ABCA9: variants seen among roughly 807,000 people sequenced by gnomAD.
The protein encoded by ABCA9 is ATP binding cassette subfamily A member 9, also known as ATP-binding cassette sub-family A member 9.
ABCA9 carries 183 observed loss-of-function variants against 205.3 expected under a neutral mutation model. The ratio of observed to expected loss-of-function variants is 0.89; its 90% CI spans 0.79 to 1.01. The LOEUF is 1.01. Ranked by LOEUF, ABCA9 falls within the 50% of genes least tolerant of loss-of-function variation. The probability of loss-of-function intolerance (pLI) is 0.00; values close to 1 mark genes in which losing one functional copy is unlikely to be tolerated. For synonymous variants in ABCA9, 651 were observed against 683.3 expected (o/e 0.95, Z 0.74); for missense variants, 1,805 against 1,912.4 (o/e 0.94, Z 1.05).
chr17:69,052,340 A>T (rs1198875090), intron 1 of ABCA9, among the ~76,000 whole-genome samples: 1 of 152,160 alleles, frequency 6.6e-6, no homozygotes, highest in Non-Finnish European at 1.5e-5. Context: ...ATGCTACTGT[A>T]CTACAGCCTG....
chr17:69,013,894 G>A (rs557673057), intron 22 of ABCA9, among the ~76,000 whole-genome samples: 4 of 152,238 alleles, frequency 2.6e-5, no homozygotes, highest in African/African-American at 9.6e-5. Flanking sequence ...CAGGAGCTGG[G>A]TGGGGAAACC....
intron 37 of ABCA9, among the ~76,000 whole-genome samples, chr17:68,976,927 A>G (rs1190553139): frequency 6.6e-6 from 1 of 152,218 alleles, no homozygotes. Flanking sequence ...GAATGGAAAA[A>G]TGAGACTGGA....
chr17:69,063,860 C>A (rs544565475), upstream of ABCA9, among the ~76,000 whole-genome samples: 44 of 152,366 alleles, frequency 2.9e-4, no homozygotes, highest in African/African-American at 1.0e-3. Flanking sequence ...GCGTGAGCCA[C>A]CGCGCCTGGC....
At chr17:69,006,805 T>C (rs1303686604) in intron 25 of ABCA9, among the ~76,000 whole-genome samples, 1 of 152,216 alleles carries the variant, frequency 6.6e-6, no homozygotes, top group African/African-American at 2.4e-5. Context: ...ATGTAGGCTA[T>C]ACTTTTCAAC....
chr17:69,017,541 G>A, intron 21 of ABCA9, 115 bp downstream of exon 21: 4 of 1,157,942 alleles, frequency 3.5e-6, no homozygotes, highest in African/African-American at 1.5e-5. Context: ...ATAAAAATGA[G>A]AACTATCCCA....
chr17:69,051,035 A>G lies in ABCA9; in HGVS notation c.92T>C (p.Leu31Ser). The stretch of plus-strand genomic sequence containing the variant: ...CACATAGACTCTGAAGCATACCAAC[A>G]AGGTCTGTCTTTTCATTCTCCATTT... Reference protein sequence around the residue: ...LKKWRMKRQTLLEWLFSFLLV... With the variant: ...LKKWRMKRQTSLEWLFSFLLV... Residue 31 changes from leucine to serine, a missense_variant, in exon 2 of 39, where the codon TTG becomes TCG. Transcript: ENST00000340001. 1 of 1,613,518 alleles carries G rather than the reference A, an allele frequency of 6.2e-7. No individual in the cohort carries two copies. Among genetic ancestry groups the G allele is most frequent in the Non-Finnish European group, 8.5e-7 (1 of 1,179,702 alleles).
chr17:69,008,377 G>T, intron 23 of ABCA9, 142 bp from the exon 24 acceptor site: 5 of 715,816 alleles, frequency 7.0e-6, no homozygotes, highest in Non-Finnish European at 1.2e-5. Context: ...ACCACCACTC[G>T]CCACACCCTT....
the ABCA9 span, among the ~76,000 whole-genome samples, chr17:69,073,927 C>T: frequency 1.3e-4 from 20 of 152,160 alleles, no homozygotes; most frequent in South Asian, 2.1e-4. Flanking sequence ...GTCTTGAACT[C>T]GTGGTCCCAA....
At chr17:69,014,650 A>G (rs569835631) in intron 22 of ABCA9, among the ~76,000 whole-genome samples, 26 of 152,224 alleles carry the variant, frequency 1.7e-4, no homozygotes, top group African/African-American at 6.0e-4. Context: ...AAACAATGGT[A>G]TGATGTGCTT....
At chr17:69,014,356 T>A (rs1001182920) in intron 22 of ABCA9, among the ~76,000 whole-genome samples, 1 of 152,152 alleles carries the variant, frequency 6.6e-6, no homozygotes, top group Non-Finnish European at 1.5e-5. Context: ...AAGGTGCACA[T>A]GAAACAAACG....
rs887839577 is a variant in ABCA9 at position 68,986,639 on chromosome 17, G to T, written c.4048-315C>A. On this transcript the variant is annotated intron_variant, in intron 31 of 38. Transcript: ENST00000340001. ...CAAACATTCAAAGGAATAGATACTT[G>T]TTGAGAATTCTGTTTCGCCAGTGAT... The T allele has an allele frequency of 2.6e-5, 6 of 228,652 alleles. No homozygotes were observed. The Admixed American group carries it at 3.4e-4, about 13-fold the overall frequency. The allele number at this position is 228,652 out of a possible 1,614,324, so 14.2% of individuals were successfully genotyped here.
rs2068864129 is a variant in ABCA9 at position 68,975,141 on chromosome 17, A to G, written c.*774T>C. The G allele has an allele frequency of 6.6e-6, 1 of 152,136 alleles. No individual in the cohort carries two copies. Among genetic ancestry groups the G allele is most frequent in the Non-Finnish European group, 1.5e-5 (1 of 68,056 alleles). The allele number at this position is 152,136 out of a possible 1,614,324, so 9.4% of individuals were successfully genotyped here. A position where few individuals can be genotyped will look rare whatever the true frequency, so the allele number is the denominator to read the frequency against. On this transcript the variant is annotated 3_prime_UTR_variant, in exon 39 of 39. Coordinates refer to ENST00000340001, the MANE Select transcript of ABCA9 (RefSeq NM_080283.4). ...TTCCTGTGTTAGTTTGCTGAGGATG[A>G]TGGTTTCCAGCTTCATCCATGTCCC...
At chr17:69,033,575 T>C (rs1363016052) in intron 9 of ABCA9, 151 bp downstream of exon 9, 1 of 607,748 alleles carries the variant, frequency 1.6e-6, no homozygotes, top group Admixed American at 3.4e-5. Context: ...TCTTAGAAAG[T>C]GATTCTATAA....
chr17:68,981,486 C>A, intron 37 of ABCA9, among the ~76,000 whole-genome samples: 1 of 152,080 alleles, frequency 6.6e-6, no homozygotes, highest in Non-Finnish European at 1.5e-5. Context: ...AGATGCCAAC[C>A]AGCCATTGGG....
At position 68,986,303 on chromosome 17, in the gene ABCA9, C is replaced by A. The variant is rs774641217; in HGVS notation, c.4069G>T (p.Gly1357Ter). Residue 1357 changes from glycine to a stop codon, truncating the protein, a stop_gained, in exon 32 of 39, where the codon GGA (glycine) becomes TGA (stop). Coordinates refer to ENST00000340001, the MANE Select transcript of ABCA9 (RefSeq NM_080283.4). LOFTEE classifies it high-confidence loss of function. ...CCCAGGAAGCCCAGGGGTTCCCCTC[C>A]ACCGCTCCCTTTCAAAATCACCTAT... is the stretch of plus-strand genomic sequence containing the variant. ...AGQVILKGSG[G>*]GEPLGFLGYC... is the part of the protein sequence containing the mutation. The A allele has an allele frequency of 3.7e-6, 6 of 1,608,364 alleles. No homozygotes were observed. In the South Asian group the frequency reaches 5.6e-5, roughly 15 times the overall value.
intron 1 of ABCA9, chr17:69,051,431 A>G (rs1345561197): frequency 3.1e-6 from 1 of 327,232 alleles, no homozygotes; most frequent in East Asian, 5.5e-5. Flanking sequence ...GTGTTGTTAA[A>G]TTGTCTAATG....
chr17:69,026,237 A>C (rs1487707197), intron 16 of ABCA9, 140 bp downstream of exon 16: 1 of 641,364 alleles, frequency 1.6e-6, no homozygotes, highest in Non-Finnish European at 2.7e-6. Context: ...CTAAAAAAGC[A>C]ATTATGCCTT....
At chr17:69,000,212 C>G (rs943513441) in intron 25 of ABCA9, among the ~76,000 whole-genome samples, 13 of 152,002 alleles carry the variant, frequency 8.6e-5, no homozygotes, top group African/African-American at 2.9e-4. Context: ...ATGCCTATGT[C>G]CTGAATGGTA....
intron 37 of ABCA9, among the ~76,000 whole-genome samples, chr17:68,980,121 AAAGGAT>A (rs1777342914): frequency 6.6e-6 from 1 of 152,220 alleles, no homozygotes; most frequent in Non-Finnish European, 1.5e-5. Context: ...AAAAGTGGAC[AAAGGAT>A]ATGAACAGAC....
Sources: allele counts gnomAD v4.1 joint callset (sites outside exome capture counted in the v4.1 genomes callset), GRCh38; gene constraint gnomAD v4.1.1; transcripts MANE v1.5; gene names NCBI Gene and HGNC (gene_info 2026-07-23, HGNC 2026-07-21).